The following COLQ variants were observed in gnomAD, a reference collection of about 807,000 sequenced individuals.
The protein encoded by COLQ is acetylcholinesterase collagenic tail peptide.
COLQ carries 48 observed loss-of-function variants against 69.0 expected under a neutral mutation model. The observed-to-expected ratio is 0.70, with a 90% CI of 0.55 to 0.88. The LOEUF (loss-of-function observed/expected upper bound fraction) is 0.88. Among genes scored for constraint, COLQ ranks in the 40% least tolerant of loss-of-function variants. COLQ has a pLI of 0.00. For synonymous variants in COLQ, 217 were observed against 211.2 expected (o/e 1.03, Z -0.24); for missense variants, 618 against 594.6 (o/e 1.04, Z -0.41).
intron 14 of COLQ, 137 bp from the exon 15 acceptor site, chr3:15,456,156 C>G (rs2062022007): frequency 1.8e-6 from 2 of 1,091,512 alleles, no homozygotes; most frequent in African/African-American, 3.1e-5. Flanking sequence ...GAAAGGTACT[C>G]CTTTCCTGTT....
intron 1 of COLQ, among the ~76,000 whole-genome samples, chr3:15,493,620 G>A (rs1440114297): frequency 6.6e-6 from 1 of 152,208 alleles, no homozygotes; most frequent in Non-Finnish European, 1.5e-5. Context: ...GCCACCACAG[G>A]GAATCTGTTT....
At position 15,479,377 on chromosome 3, in the gene COLQ, TG is replaced by T. The variant is rs2125123246; in HGVS notation, c.326del (p.Pro109HisfsTer55). On this transcript the variant is annotated frameshift_variant, in exon 4 of 17. Transcript: ENST00000383788. LOFTEE classifies it high-confidence loss of function. ...GSPGPPGPQGPPGLPGKTGPK... is the reference protein window; with the variant it reads ...GSPGPPGPQGXPGLPGKTGPK... Reference sequence around the variant, plus strand: ...GTCCTGTCTTGCCAGGAAGCCCCGGTGGACCCTAATCAATCAAGATAAAAAG... The same window carrying T: ...GTCCTGTCTTGCCAGGAAGCCCCGGTGACCCTAATCAATCAAGATAAAAAG... 1 of 1,614,086 alleles carries T rather than the reference TG, an allele frequency of 6.2e-7. No homozygotes were observed. The highest frequency in any genetic ancestry group is 1.1e-5 in the South Asian group (1 of 91,080).
intron 12 of COLQ, among the ~76,000 whole-genome samples, chr3:15,459,176 G>A (rs181231591): frequency 1.3e-4 from 20 of 152,278 alleles, no homozygotes; most frequent in Admixed American, 6.5e-4. Context: ...ATTTCTGGAT[G>A]TGGGTTTCTT....
chr3:15,517,948 T>C (rs965972643), intron 1 of COLQ, among the ~76,000 whole-genome samples: 3 of 151,918 alleles, frequency 2.0e-5, no homozygotes, highest in Non-Finnish European at 4.4e-5. Context: ...GTCTACTATG[T>C]TTTGTTTGTT....
At chr3:15,477,834 C>G (rs921696754) in intron 5 of COLQ, among the ~76,000 whole-genome samples, 5 of 152,192 alleles carry the variant, frequency 3.3e-5, no homozygotes, top group African/African-American at 9.7e-5. Context: ...CCTGGCTTCT[C>G]CCATTCTCCC....
intron 3 of COLQ, among the ~76,000 whole-genome samples, chr3:15,481,196 T>C (rs2062477915): frequency 6.6e-6 from 1 of 152,248 alleles, no homozygotes; most frequent in African/African-American, 2.4e-5. Context: ...GTGCAGAAGC[T>C]CTTTAGTTTA....
chr3:15,477,187 C>G lies in COLQ; in HGVS notation c.404G>C (p.Gly135Ala), dbSNP rs1443896327. The change falls in exon 6 of 17, where the codon GGC becomes GCC. Residue 135 changes from glycine (G) to alanine (A), a missense_variant. Coordinates refer to ENST00000383788, the MANE Select transcript of COLQ (RefSeq NM_005677.4). ...LGRPGRKGRP[G>A]PPGVPGMPGP... ...AGGCATGCCAGGAACACCTGGGGGG[C>G]CAGGTCTACCCTTCAAAGACCAAGA... The G allele has an allele frequency of 6.2e-7, 1 of 1,605,380 alleles. No individual in the cohort carries two copies. Among genetic ancestry groups the G allele is most frequent in the Admixed American group, 1.7e-5 (1 of 58,710 alleles).
At position 15,451,580 on chromosome 3, in the gene COLQ, T is replaced by C. The variant is rs2061941908; in HGVS notation, c.*64A>G. On this transcript the variant is annotated 3_prime_UTR_variant, in exon 17 of 17. Transcript: ENST00000383788. ...GAGACGGGGCCAGGACATGGCCAGTTTGATGACAGTGGAGAAGCTGCTGCC... is the reference window on the plus strand; with the variant it reads ...GAGACGGGGCCAGGACATGGCCAGTCTGATGACAGTGGAGAAGCTGCTGCC... The C allele has an allele frequency of 6.7e-7, 1 of 1,492,806 alleles. No homozygotes were observed. Among genetic ancestry groups the C allele is most frequent in the Non-Finnish European group, 9.4e-7 (1 of 1,069,304 alleles). 92.5% of individuals were successfully genotyped at this position (1,492,806 alleles called of 1,614,324 possible).
chr3:15,456,393 CT>C, intron 14 of COLQ, 66 bp downstream of exon 14: 2 of 1,603,608 alleles, frequency 1.2e-6, no homozygotes, highest in South Asian at 2.2e-5. Flanking sequence ...GTGGCCTTCC[CT>C]TCCTTTAATG....
chr3:15,482,581 G>A lies in COLQ; in HGVS notation c.322-3199C>T, dbSNP rs201674744. ...AAGCCCACTTGATCATGGTGGATAA[G>A]CTTTTTGATGTGCTGCTGGATTTGG... On this transcript the variant is annotated intron_variant, in intron 3 of 16. Transcript: ENST00000383788. 3.4e-4 allele frequency among the ~76,000 whole-genome samples: 52 copies of A among 152,294 alleles called. No individual in the cohort carries two copies. The East Asian group carries it at 9.2e-3, about 27-fold the overall frequency.
chr3:15,458,072 C>T lies in COLQ; in HGVS notation c.954+114G>A, dbSNP rs1575463215. On this transcript the variant is annotated intron_variant, in intron 13 of 16. Coordinates refer to ENST00000383788, the MANE Select transcript of COLQ (RefSeq NM_005677.4). Reference sequence around the variant, plus strand: ...TCCAATTTCCTATAATGAGGGTGTACTCAGAGTCGTGAAAAAAAGTTAGTT... The same window carrying T: ...TCCAATTTCCTATAATGAGGGTGTATTCAGAGTCGTGAAAAAAAGTTAGTT... 5.1e-6 allele frequency: 6 copies of T among 1,167,228 alleles called. No homozygotes were observed. The East Asian group carries it at 1.4e-4, about 27-fold the overall frequency. 72.3% of individuals were successfully genotyped at this position (1,167,228 alleles called of 1,614,324 possible). A position where few individuals can be genotyped will look rare whatever the true frequency, so the allele number is the denominator to read the frequency against.
At chr3:15,483,908 G>A (rs1045861488) in intron 3 of COLQ, among the ~76,000 whole-genome samples, 5 of 152,192 alleles carry the variant, frequency 3.3e-5, no homozygotes, top group African/African-American at 1.2e-4. Flanking sequence ...TGTATTGGGT[G>A]CATATATATT....
intron 3 of COLQ, among the ~76,000 whole-genome samples, chr3:15,482,776 G>C (rs1204334506): frequency 6.6e-6 from 1 of 152,224 alleles, no homozygotes; most frequent in African/African-American, 2.4e-5. Context: ...AATCGTTTCA[G>C]AAAGAATGGT....
intron 3 of COLQ, among the ~76,000 whole-genome samples, chr3:15,485,038 C>A (rs1353989741): frequency 6.6e-6 from 1 of 152,134 alleles, no homozygotes; most frequent in Non-Finnish European, 1.5e-5. Context: ...TTTTATCTAC[C>A]TTTGGTCTTT....
chr3:15,499,412 T>C (rs762928426), intron 1 of COLQ, among the ~76,000 whole-genome samples: 13 of 152,218 alleles, frequency 8.5e-5, no homozygotes, highest in Non-Finnish European at 1.8e-4. Flanking sequence ...CAGCAAACTT[T>C]TGCTATAAAG....
intron 12 of COLQ, among the ~76,000 whole-genome samples, chr3:15,465,903 G>C (rs1365872768): frequency 6.6e-6 from 1 of 152,098 alleles, no homozygotes; most frequent in African/African-American, 2.4e-5. Context: ...CCCATGCCCA[G>C]CCTCTTTCTC....
At chr3:15,465,815 G>A (rs112334770) in intron 12 of COLQ, among the ~76,000 whole-genome samples, 1,753 of 151,140 alleles carry the variant, frequency 0.012, 33 homozygotes, top group African/African-American at 0.041. Flanking sequence ...TGGTTGACCA[G>A]GCTGGTTTCA....
At chr3:15,505,151 TA>T (rs1234228958) in intron 1 of COLQ, among the ~76,000 whole-genome samples, 1 of 152,224 alleles carries the variant, frequency 6.6e-6, no homozygotes, top group Non-Finnish European at 1.5e-5. Flanking sequence ...GGCAAATGTC[TA>T]GGGGCCCCTG....
intron 10 of COLQ, among the ~76,000 whole-genome samples, chr3:15,470,927 T>C (rs2062276868): frequency 6.6e-6 from 1 of 152,212 alleles, no homozygotes; most frequent in African/African-American, 2.4e-5. Flanking sequence ...GAACAGGCAG[T>C]GAGAGGCTGG....
Sources: allele counts gnomAD v4.1 joint callset (sites outside exome capture counted in the v4.1 genomes callset), GRCh38; gene constraint gnomAD v4.1.1; transcripts MANE v1.5; gene names NCBI Gene and HGNC (gene_info 2026-07-23, HGNC 2026-07-21).